Variants in LPIN3 observed in about 807,000 individuals in gnomAD.
LPIN3 encodes the protein phosphatidate phosphatase LPIN3.
A neutral mutation model predicts 94.7 loss-of-function variants in LPIN3; 82 were observed. The observed-to-expected ratio is 0.87, with a 90% confidence interval of 0.72 to 1.04. The LOEUF is 1.04. Ranked by LOEUF, LPIN3 falls within the 50% of genes least tolerant of loss-of-function variation. The pLI, the probability that LPIN3 is intolerant of heterozygous loss-of-function variation, is 0.00. For synonymous variants in LPIN3, 418 were observed against 443.3 expected (o/e 0.94, Z 0.72); for missense variants, 996 against 1,090.5 (o/e 0.91, Z 1.22).
rs949633721 is a variant in LPIN3, at chr20:41,349,997, C to G, written c.760-58C>G. On this transcript the variant is annotated intron_variant, in intron 6 of 19. Coordinates refer to ENST00000373257, the MANE Select transcript of LPIN3 (RefSeq NM_022896.3). Reference sequence around the variant, plus strand: ...GAAACTCGGGCCACTGCCCCAAAAGCTTTGTGGGGCATGGGCCTTACCCTG... The same window carrying G: ...GAAACTCGGGCCACTGCCCCAAAAGGTTTGTGGGGCATGGGCCTTACCCTG... 8.7e-5 allele frequency: 135 copies of G among 1,559,618 alleles called. 2 individuals are homozygous for G. Among genetic ancestry groups the G allele is most frequent in the Admixed American group, 6.1e-4 (33 of 54,520 alleles).
chr20:41,343,241 G>A (rs529260233), intron 1 of LPIN3, among the ~76,000 whole-genome samples: 3 of 152,116 alleles, frequency 2.0e-5, no homozygotes, highest in Non-Finnish European at 4.4e-5. Context: ...GCCTCCAGCT[G>A]GATGGACCTT....
chr20:41,346,071 A>G, intron 2 of LPIN3, 76 bp downstream of exon 2: 1 of 1,457,456 alleles, frequency 6.9e-7, no homozygotes, highest in East Asian at 2.3e-5. Flanking sequence ...CAGTCCCAGG[A>G]CAGGACCTGG....
At position 41,351,900 on chromosome 20, in the gene LPIN3, A is replaced by G. The variant is rs751788828; in HGVS notation, c.1182A>G (p.Ala394=). 5 of 1,614,122 alleles carry G rather than the reference A, an allele frequency of 3.1e-6. No homozygotes were observed. The African/African-American group carries it at 4.0e-5, about 13-fold the overall frequency. Reference sequence around the variant, plus strand: ...TGCCCTCCCTGGACTCTGAGAATGCAGCGCTTTACTTCCCCCAAAGGTGCC... The same window carrying G: ...TGCCCTCCCTGGACTCTGAGAATGCGGCGCTTTACTTCCCCCAAAGGTGCC... The part of the protein sequence containing the change: ...DDLPSLDSEN[A]ALYFPQSDSG... Residue 394 remains alanine, a synonymous_variant, in exon 8 of 20, where the codon GCA becomes GCG. Transcript: ENST00000373257.
At chr20:41,345,734 A>G in intron 1 of LPIN3, 62 bp from the exon 2 acceptor site, 2 of 1,519,048 alleles carry the variant, frequency 1.3e-6, no homozygotes, top group South Asian at 1.2e-5. Context: ...GTCAGGCTGC[A>G]GGAGCTTCTT....
intron 13 of LPIN3, 63 bp downstream of exon 13, chr20:41,354,926 G>A: frequency 1.3e-6 from 2 of 1,509,142 alleles, no homozygotes; most frequent in Non-Finnish European, 1.8e-6. Context: ...CCTGGGTGCA[G>A]GTGGGTGGCA....
chr20:41,346,903 G>T (rs1040496654), intron 2 of LPIN3, among the ~76,000 whole-genome samples: 1 of 152,160 alleles, frequency 6.6e-6, no homozygotes, highest in Admixed American at 6.5e-5. Context: ...ATAGAAAAGT[G>T]TAGCCTATGG....
At chr20:41,358,095 C>T in intron 17 of LPIN3, 61 bp downstream of exon 17, 1 of 1,571,274 alleles carries the variant, frequency 6.4e-7, no homozygotes, top group Non-Finnish European at 8.6e-7. Context: ...GGCCCACTGC[C>T]AGGCCAGCCT....
intron 11 of LPIN3, 124 bp downstream of exon 11, chr20:41,352,991 G>A: frequency 1.9e-6 from 2 of 1,065,040 alleles, no homozygotes; most frequent in Non-Finnish European, 1.4e-6. Flanking sequence ...CTAGCTGGCT[G>A]CAAGACTCAC....
In LPIN3 at chr20:41,358,897, C is replaced by G; in HGVS notation, c.*31C>G. 1 of 1,612,144 alleles carries G rather than the reference C, an allele frequency of 6.2e-7. No individual in the cohort carries two copies. The highest frequency in any genetic ancestry group is 8.5e-7 in the Non-Finnish European group (1 of 1,179,132). ...CCCTGGCTGGCTCCTCCTCCCTGGCCCGGCCCAGGACTGGCTAGGTGTCCT... is the reference window on the plus strand; with the variant it reads ...CCCTGGCTGGCTCCTCCTCCCTGGCGCGGCCCAGGACTGGCTAGGTGTCCT... On this transcript the variant is annotated 3_prime_UTR_variant, in exon 20 of 20. Transcript: ENST00000373257.
intron 11 of LPIN3, among the ~76,000 whole-genome samples, chr20:41,354,317 T>C (rs1004931089): frequency 6.6e-6 from 1 of 152,140 alleles, no homozygotes; most frequent in Non-Finnish European, 1.5e-5. Context: ...TACCAGATCT[T>C]GAGAAACTCC....
chr20:41,350,381 G>C lies in LPIN3; in HGVS notation c.1086G>C (p.Arg362Ser). Residue 362 changes from arginine (R) to serine (S), a missense_variant, in exon 7 of 20, where the codon AGG (arginine) becomes AGC (serine). Physicochemically the swap from Arg to Ser is moderately radical, Grantham distance 110 (BLOSUM62 -1). Coordinates refer to ENST00000373257, the MANE Select transcript of LPIN3 (RefSeq NM_022896.3). ...EVPVPTGQPERVSRGKGSPKR... is the reference protein window; with the variant it reads ...EVPVPTGQPESVSRGKGSPKR... ...CAGTTCCCACCGGGCAGCCAGAGAG[G>C]GTCTCCAGGGGGAAAGGTGAGTGAC... 1 of 1,569,972 alleles carries C rather than the reference G, an allele frequency of 6.4e-7. No homozygotes were observed. Among genetic ancestry groups the C allele is most frequent in the South Asian group, 1.2e-5 (1 of 85,038 alleles).
Position 41,352,587 on chromosome 20 carries a change from A to G in LPIN3, c.1364-19A>G, listed in dbSNP as rs774290117. On this transcript the variant is annotated intron_variant, in intron 9 of 19. Coordinates refer to ENST00000373257, the MANE Select transcript of LPIN3 (RefSeq NM_022896.3). ...ATGGGATGTGCCAGCCTCACCCCTC[A>G]CTCTGCCTCTGTGCCCAGAGAAATT... The G allele has an allele frequency of 6.2e-7, 1 of 1,607,280 alleles. No homozygotes were observed. Among genetic ancestry groups the G allele is most frequent in the Admixed American group, 1.7e-5 (1 of 59,984 alleles).
intron 11 of LPIN3, 58 bp from the exon 12 acceptor site, chr20:41,354,587 T>G: frequency 6.8e-7 from 1 of 1,476,436 alleles, no homozygotes; most frequent in Non-Finnish European, 9.1e-7. Context: ...AAGAACAACG[T>G]AAGGTAGGAG....
At chr20:41,343,717 C>T (rs2045668770) in intron 1 of LPIN3, among the ~76,000 whole-genome samples, 1 of 152,208 alleles carries the variant, frequency 6.6e-6, no homozygotes, top group Non-Finnish European at 1.5e-5. Context: ...AAAGCAGTTC[C>T]TTTCAAACAC....
intron 13 of LPIN3, among the ~76,000 whole-genome samples, chr20:41,355,394 C>A (rs546520823): frequency 2.0e-5 from 3 of 152,194 alleles, no homozygotes; most frequent in African/African-American, 4.8e-5. Flanking sequence ...TCCTGGCCAA[C>A]AACCAGGAAA....
chr20:41,350,835 G>A (rs1482855420), intron 7 of LPIN3, among the ~76,000 whole-genome samples: 1 of 152,196 alleles, frequency 6.6e-6, no homozygotes, highest in Non-Finnish European at 1.5e-5. Flanking sequence ...AGGAAGTTGG[G>A]GAGATGAGCA....
At chr20:41,348,931 A>C in intron 4 of LPIN3, 44 bp downstream of exon 4, 1 of 1,591,786 alleles carries the variant, frequency 6.3e-7, no homozygotes, top group Non-Finnish European at 8.6e-7. Context: ...TGGGGGTTCA[A>C]GTGCTGTTTC....
intron 6 of LPIN3, 32 bp downstream of exon 6, chr20:41,349,926 C>T: frequency 6.3e-7 from 1 of 1,590,144 alleles, no homozygotes; most frequent in Non-Finnish European, 8.6e-7. Flanking sequence ...CCAGGCCCGG[C>T]CTTTCAGGGG....
Position 41,349,122 on chromosome 20 carries a change from G to A in LPIN3, c.588G>A (p.Gln196=), listed in dbSNP as rs1454120473. The A allele has an allele frequency of 6.2e-7, 1 of 1,614,072 alleles. No homozygotes were observed. Among genetic ancestry groups the A allele is most frequent in the Non-Finnish European group, 8.5e-7 (1 of 1,180,046 alleles). The part of the protein sequence containing the change: ...GVQLEEKSSL[Q]PKDIYPYSDG... ...AGTTGGAAGAGAAGTCTTCACTGCA[G>A]CCCAAAGACATCTACCCCTACTCGG... The change falls in exon 5 of 20, where the codon CAG becomes CAA. Residue 196 remains glutamine, a synonymous_variant. Coordinates refer to ENST00000373257, the MANE Select transcript of LPIN3 (RefSeq NM_022896.3).
Sources: allele counts gnomAD v4.1 joint callset (sites outside exome capture counted in the v4.1 genomes callset), GRCh38; gene constraint gnomAD v4.1.1; transcripts MANE v1.5; gene names NCBI Gene and HGNC (gene_info 2026-07-23, HGNC 2026-07-21).